KSR1: variants seen among roughly 807,000 people sequenced by gnomAD.
KSR1 encodes kinase suppressor of ras.
KSR1 carries 35 observed loss-of-function variants against 92.9 expected under a neutral mutation model. That is an observed-to-expected ratio of 0.38 (90% CI 0.29 to 0.50). The LOEUF is 0.50. Ranked by LOEUF, KSR1 falls within the 20% of genes least tolerant of loss-of-function variation. The pLI is 0.94. For missense variants in KSR1, 972 were observed against 1,158.5 expected, an observed-to-expected ratio of 0.84 and a Z score of 2.34; for synonymous variants, 467 against 472.6, an observed-to-expected ratio of 0.99 and a Z score of 0.15.
intron 4 of KSR1, 49 bp from the exon 5 acceptor site, chr17:27,585,608 G>T: frequency 1.3e-6 from 1 of 743,466 alleles, no homozygotes; most frequent in Non-Finnish European, 2.5e-6. Context: ...GGAACACGCC[G>T]AGCCAGCGTG....
chr17:27,518,025 A>T, intron 1 of KSR1, among the ~76,000 whole-genome samples: 1 of 152,242 alleles, frequency 6.6e-6, no homozygotes. Flanking sequence ...TGCTCTTGAT[A>T]CAGAAATAAA....
intron 1 of KSR1, among the ~76,000 whole-genome samples, chr17:27,489,164 C>G (rs1004810491): frequency 6.6e-6 from 1 of 152,322 alleles, no homozygotes; most frequent in Non-Finnish European, 1.5e-5. Flanking sequence ...CTGGAAGCCC[C>G]TGGGGGCCGG....
intron 1 of KSR1, among the ~76,000 whole-genome samples, chr17:27,510,052 C>T (rs892913097): frequency 6.6e-6 from 1 of 152,228 alleles, no homozygotes. Flanking sequence ...CCTTGTCCCT[C>T]CTCTTGGCAC....
intron 1 of KSR1, among the ~76,000 whole-genome samples, chr17:27,481,448 A>G (rs1285675976): frequency 6.6e-6 from 1 of 152,208 alleles, no homozygotes; most frequent in Non-Finnish European, 1.5e-5. Context: ...TTCATAGCAC[A>G]TACGTGCCAT....
At chr17:27,507,507 A>C (rs978679283) in intron 1 of KSR1, among the ~76,000 whole-genome samples, 6 of 142,536 alleles carry the variant, frequency 4.2e-5, no homozygotes, top group African/African-American at 1.6e-4. Flanking sequence ...TGTTGAAGTG[A>C]TATTTTGGGT....
chr17:27,461,681 T>C (rs1006773186), intron 1 of KSR1, among the ~76,000 whole-genome samples: 4 of 152,224 alleles, frequency 2.6e-5, no homozygotes, highest in Admixed American at 6.5e-5. Flanking sequence ...AGACCCGCAG[T>C]GGCTGTGAGC....
At position 27,559,445 on chromosome 17, in the gene KSR1, C is replaced by A. The variant is rs2071734008; in HGVS notation, c.372+8737C>A. 6.6e-6 allele frequency among the ~76,000 whole-genome samples: 1 copy of A among 152,218 alleles called. No homozygotes were observed. The highest frequency in any genetic ancestry group is 2.4e-5 in the African/African-American group (1 of 41,450). On this transcript the variant is annotated intron_variant, in intron 2 of 20. Transcript: ENST00000644974. This position sits in a 1 kb window ranked among gnomAD's most constrained non-coding sequence, Gnocchi z 4.2. ...TGTATTGTCCATTCAGTGTGGCAGC[C>A]CTTAGCCATATGTGGCTTGGGGACA...
intron 9 of KSR1, 63 bp downstream of exon 9, chr17:27,592,689 C>T: frequency 7.2e-7 from 1 of 1,383,770 alleles, no homozygotes; most frequent in Non-Finnish European, 9.9e-7. Context: ...TATAAAGCAC[C>T]CCTGCCTCAG....
At chr17:27,526,721 G>T in intron 1 of KSR1, 1 of 1,342,552 alleles carries the variant, frequency 7.4e-7, no homozygotes, top group Non-Finnish European at 1.1e-6. Flanking sequence ...AGGTTGAGAG[G>T]TCCTCTCACG....
intron 14 of KSR1, 90 bp downstream of exon 14, chr17:27,605,903 T>C (rs976966065): frequency 6.6e-7 from 1 of 1,520,546 alleles, no homozygotes; most frequent in African/African-American, 1.4e-5. Flanking sequence ...CTAGAGGGTG[T>C]GGAAGTTCTA....
chr17:27,621,419 A>G (rs938033323), intron 20 of KSR1, 146 bp downstream of exon 20: 14 of 394,452 alleles, frequency 3.5e-5, no homozygotes, highest in South Asian at 1.4e-4. Flanking sequence ...TGCAGCTGAA[A>G]TGGCTTCCAG....
At chr17:27,566,062 T>C (rs908676558) in intron 2 of KSR1, among the ~76,000 whole-genome samples, 1 of 152,084 alleles carries the variant, frequency 6.6e-6, no homozygotes, top group African/African-American at 2.4e-5. Context: ...TGCAGGGGCT[T>C]GGGGGCAGTT....
chr17:27,525,060 T>A (rs2070205980), intron 1 of KSR1, among the ~76,000 whole-genome samples: 1 of 152,260 alleles, frequency 6.6e-6, no homozygotes, highest in South Asian at 2.1e-4. Context: ...GTGCTCTCAG[T>A]CACCCGCATC....
At chr17:27,563,216 C>T (rs955132499) in intron 2 of KSR1, among the ~76,000 whole-genome samples, 3 of 152,172 alleles carry the variant, frequency 2.0e-5, no homozygotes, top group African/African-American at 7.2e-5. Context: ...TTTAGCAAAT[C>T]CGGTTATGTT....
intron 1 of KSR1, among the ~76,000 whole-genome samples, chr17:27,531,609 G>A (rs537257701): frequency 6.6e-6 from 1 of 152,224 alleles, no homozygotes; most frequent in Non-Finnish European, 1.5e-5. Context: ...TGCTGGAGGT[G>A]GCTTCAGCCC....
chr17:27,469,261 T>C (rs930199942), intron 1 of KSR1, among the ~76,000 whole-genome samples: 1 of 152,206 alleles, frequency 6.6e-6, no homozygotes, highest in African/African-American at 2.4e-5. Flanking sequence ...TTCTCCGTGG[T>C]CTTTTGATCC....
intron 1 of KSR1, among the ~76,000 whole-genome samples, chr17:27,511,725 G>T (rs1346459084): frequency 6.6e-6 from 1 of 152,198 alleles, no homozygotes; most frequent in African/African-American, 2.4e-5. Context: ...AACCTTTTCA[G>T]TGCCCAAGCA....
At chr17:27,592,148 G>A (rs138995095) in intron 7 of KSR1, among the ~76,000 whole-genome samples, 1 of 152,306 alleles carries the variant, frequency 6.6e-6, no homozygotes, top group Non-Finnish European at 1.5e-5. Flanking sequence ...ATGGATAGAT[G>A]ACAGCAGAAC....
intron 1 of KSR1, among the ~76,000 whole-genome samples, chr17:27,549,370 G>A (rs11656620): frequency 0.23 from 35,665 of 152,112 alleles, 4,392 homozygotes; most frequent in Middle Eastern, 0.34. Flanking sequence ...CAGTGAGCTC[G>A]TTTCCATCTG....
Sources: allele counts gnomAD v4.1 joint callset (sites outside exome capture counted in the v4.1 genomes callset), GRCh38; gene constraint gnomAD v4.1.1; non-coding constraint Gnocchi (gnomAD v3.1); transcripts MANE v1.5; gene names NCBI Gene and HGNC (gene_info 2026-07-23, HGNC 2026-07-21).